Variants in PPP4R4 observed in about 807,000 individuals in gnomAD.
PPP4R4 encodes protein phosphatase 4 regulatory subunit 4.
Under a neutral mutation model 121.8 loss-of-function variants are expected in PPP4R4, and 70 were observed. The ratio of observed to expected loss-of-function variants is 0.57; its 90% CI spans 0.47 to 0.70. PPP4R4 has a LOEUF of 0.70. Among genes scored for constraint, PPP4R4 ranks in the 30% least tolerant of loss-of-function variants. PPP4R4 has a pLI of 0.00. For missense variants in PPP4R4, 875 were observed against 1,033.6 expected (o/e 0.85, Z 2.10); for synonymous variants, 348 against 355.7 (o/e 0.98, Z 0.24).
Position 94,252,621 on chromosome 14 carries a change from A to C in PPP4R4, c.1865+725A>C, listed in dbSNP as rs115952703. 5.8e-3 allele frequency among the ~76,000 whole-genome samples: 881 copies of C among 152,320 alleles called. 10 individuals are homozygous for C. The highest frequency in any genetic ancestry group is 0.02 in the African/African-American group (848 of 41,566). On this transcript the variant is annotated intron_variant, in intron 16 of 24. Transcript: ENST00000304338. ...TAAGAGCTATTTTTGTACATTTGAT[A>C]ATAGAATGAAAAGAATGTTAAACCC... is the stretch of plus-strand genomic sequence containing the variant.
chr14:94,265,251 C>T lies in PPP4R4; in HGVS notation c.2198-136C>T. On this transcript the variant is annotated intron_variant, in intron 20 of 24. Coordinates refer to ENST00000304338, the MANE Select transcript of PPP4R4 (RefSeq NM_058237.2). ...CAAAGATTGAAATATGTAAATATTA[C>T]CAAGTAAGAATATTTGGAAAAGAAA... 4 of 653,892 alleles carry T rather than the reference C, an allele frequency of 6.1e-6. No homozygotes were observed. The East Asian group carries it at 8.2e-5, about 13-fold the overall frequency. 40.5% of individuals were successfully genotyped at this position (653,892 alleles called of 1,614,324 possible). A position where few individuals can be genotyped will look rare whatever the true frequency, so the allele number is the denominator to read the frequency against.
At chr14:94,250,567 T>C (rs1893127681) in intron 15 of PPP4R4, among the ~76,000 whole-genome samples, 1 of 151,964 alleles carries the variant, frequency 6.6e-6, no homozygotes, top group Non-Finnish European at 1.5e-5. Context: ...GGAACTAAAA[T>C]ATAAATAGAA....
intron 19 of PPP4R4, among the ~76,000 whole-genome samples, chr14:94,260,134 TA>T (rs1197439964): frequency 1.3e-5 from 2 of 151,950 alleles, no homozygotes; most frequent in Non-Finnish European, 2.9e-5. Flanking sequence ...AAACTAAATT[TA>T]AAAAAATGGC....
intron 23 of PPP4R4, among the ~76,000 whole-genome samples, chr14:94,269,475 A>T (rs11626009): frequency 0.015 from 2,266 of 152,090 alleles, 35 homozygotes; most frequent in Non-Finnish European, 0.018. Flanking sequence ...GGAGATCCGG[A>T]TAATCCTGGC....
chr14:94,265,984 T>C, intron 22 of PPP4R4, 97 bp downstream of exon 22: 3 of 898,388 alleles, frequency 3.3e-6, no homozygotes, highest in Non-Finnish European at 4.9e-6. Flanking sequence ...CAGAATTAAT[T>C]TTGAGGTTTT....
chr14:94,275,969 A>G (rs1894617469), intron 24 of PPP4R4, among the ~76,000 whole-genome samples: 1 of 152,148 alleles, frequency 6.6e-6, no homozygotes, highest in African/African-American at 2.4e-5. Context: ...AGATTTACAG[A>G]CTGTACTTGT....
intron 3 of PPP4R4, among the ~76,000 whole-genome samples, chr14:94,214,333 TAAAG>T (rs1344058734): frequency 2.6e-5 from 4 of 152,204 alleles, no homozygotes; most frequent in South Asian, 2.1e-4. Context: ...AAATATATAA[TAAAG>T]AAAGGATAAA....
At chr14:94,222,629 G>T in intron 3 of PPP4R4, among the ~76,000 whole-genome samples, 1 of 149,510 alleles carries the variant, frequency 6.7e-6, no homozygotes, top group Non-Finnish European at 1.5e-5. Context: ...CAAGTCTGCT[G>T]GTAACAAATT....
At chr14:94,194,385 C>T (rs1487154433) in intron 2 of PPP4R4, among the ~76,000 whole-genome samples, 2 of 152,242 alleles carry the variant, frequency 1.3e-5, no homozygotes, top group Admixed American at 6.5e-5. Context: ...AGGAGCAGCT[C>T]AAGTTGTAAC....
At chr14:94,219,262 G>A (rs533043380) in intron 3 of PPP4R4, among the ~76,000 whole-genome samples, 15 of 152,026 alleles carry the variant, frequency 9.9e-5, no homozygotes, top group South Asian at 4.2e-4. Context: ...TTTTAGTAGA[G>A]ACAGGGTTTC....
rs115822161 is a variant in PPP4R4, at chr14:94,222,044, T to C, written c.295-8543T>C. 1.5e-3 allele frequency among the ~76,000 whole-genome samples: 226 copies of C among 152,178 alleles called. 1 individual carries two copies. Among genetic ancestry groups the C allele is most frequent in the African/African-American group, 5.3e-3 (219 of 41,580 alleles). On this transcript the variant is annotated intron_variant, in intron 3 of 24. Transcript: ENST00000304338. ...TGGTTATGTGTTGAAATTTCTTCTT[T>C]GACTCTGTGGCTTCTCCTGATGTTT...
intron 16 of PPP4R4, among the ~76,000 whole-genome samples, chr14:94,252,891 A>T (rs1893259958): frequency 6.6e-6 from 1 of 152,214 alleles, no homozygotes; most frequent in Admixed American, 6.5e-5. Context: ...AAACTTTTTA[A>T]TAGGAAGAGT....
intron 2 of PPP4R4, among the ~76,000 whole-genome samples, chr14:94,200,294 A>G (rs1890104765): frequency 6.6e-6 from 1 of 152,198 alleles, no homozygotes. Flanking sequence ...TTGTGAATAA[A>G]GATAATTAAA....
chr14:94,259,166 G>A, intron 18 of PPP4R4, 129 bp from the exon 19 acceptor site: 2 of 1,436,150 alleles, frequency 1.4e-6, no homozygotes, highest in Non-Finnish European at 1.9e-6. Context: ...TGGGAATTAG[G>A]GGAGCTACAA....
rs142423588 is a variant in PPP4R4 at position 94,218,385 on chromosome 14, G to GCACA, written c.294+9833_294+9836dup. On this transcript the variant is annotated intron_variant, in intron 3 of 24. Coordinates refer to ENST00000304338, the MANE Select transcript of PPP4R4 (RefSeq NM_058237.2). Reference sequence around the variant, plus strand: ...TCACCCCTAGACACCGCACGCGCGTGCACACACACACACACACCTCCTCAC... The same window carrying GCACA: ...TCACCCCTAGACACCGCACGCGCGTGCACACACACACACACACACACCTCCTCAC... Among the ~76,000 whole-genome samples the GCACA allele has an allele frequency of 3.1e-3, 283 of 92,772 alleles. 5 individuals are homozygous for GCACA. The highest frequency in any genetic ancestry group is 0.01 in the African/African-American group (241 of 24,094). 60.9% of individuals were successfully genotyped at this position (92,772 alleles called of 152,430 possible).
chr14:94,239,656 A>G (rs1892525232), intron 8 of PPP4R4, among the ~76,000 whole-genome samples: 1 of 152,014 alleles, frequency 6.6e-6, no homozygotes, highest in Non-Finnish European at 1.5e-5. Flanking sequence ...TTGTTCACAT[A>G]TTGTCTGTGG....
At chr14:94,218,471 G>A (rs8008962) in intron 3 of PPP4R4, among the ~76,000 whole-genome samples, 14,668 of 48,988 alleles carry the variant, frequency 0.3, 2,202 homozygotes, top group African/African-American at 0.59. Flanking sequence ...CCGCACGCGC[G>A]CACACACACA....
chr14:94,225,056 T>C (rs1412930573), intron 3 of PPP4R4, among the ~76,000 whole-genome samples: 1 of 152,090 alleles, frequency 6.6e-6, no homozygotes, highest in African/African-American at 2.4e-5. Context: ...GGGGTATGTG[T>C]GCACAGAGAA....
At position 94,271,791 on chromosome 14, in the gene PPP4R4, G is replaced by A. The variant is rs1235208252; in HGVS notation, c.2450-3583G>A. Among the ~76,000 whole-genome samples, 3 of 152,304 alleles carry A rather than the reference G, an allele frequency of 2.0e-5. No individual in the cohort carries two copies. The East Asian group carries it at 5.8e-4, about 29-fold the overall frequency. On this transcript the variant is annotated intron_variant, in intron 23 of 24. Coordinates refer to ENST00000304338, the MANE Select transcript of PPP4R4 (RefSeq NM_058237.2). ...TGGAACTAAGAAGTGATTATGGCAA[G>A]GTTGCAGAATATAAGGGTAATATAT...
Sources: allele counts gnomAD v4.1 joint callset (sites outside exome capture counted in the v4.1 genomes callset), GRCh38; gene constraint gnomAD v4.1.1; transcripts MANE v1.5; gene names NCBI Gene and HGNC (gene_info 2026-07-23, HGNC 2026-07-21).